The following LRRC49 variants were observed in gnomAD, a reference collection of about 807,000 sequenced individuals.
LRRC49 encodes the protein leucine rich repeat containing 49.
LRRC49 carries 50 observed loss-of-function variants against 83.3 expected under a neutral mutation model. That is an observed-to-expected ratio of 0.60 (90% CI 0.48 to 0.76). LRRC49 has a LOEUF of 0.76. LRRC49 is among the 30% of genes least tolerant of loss of function. The probability of loss-of-function intolerance (pLI) is 0.00; values close to 1 mark genes in which losing one functional copy is unlikely to be tolerated. For missense variants in LRRC49, 704 were observed against 809.1 expected (o/e 0.87, Z 1.58); for synonymous variants, 286 against 283.3 (o/e 1.01, Z -0.10).
exon 2 of LRRC49, chr15:70,872,951 A>T: frequency 2.3e-6 from 1 of 426,220 alleles, no homozygotes; most frequent in Non-Finnish European, 4.3e-6. Context: ...CCGTGGTGCG[A>T]TCTCGCTCAC....
Position 70,937,103 on chromosome 15 carries a change from T to G in LRRC49, c.773+281T>G, listed in dbSNP as rs1596040077. 2.6e-5 allele frequency among the ~76,000 whole-genome samples: 4 copies of G among 152,222 alleles called. No individual in the cohort carries two copies. In the South Asian group the frequency reaches 8.3e-4, roughly 32 times the overall value. Reference sequence around the variant, plus strand: ...GAGTACATAGAAATTTCAATGTATATTTTGCTGTCCTTTGTTTGACATTCA... The same window carrying G: ...GAGTACATAGAAATTTCAATGTATAGTTTGCTGTCCTTTGTTTGACATTCA... On this transcript the variant is annotated intron_variant, in intron 8 of 15. Coordinates refer to ENST00000260382, the MANE Select transcript of LRRC49 (RefSeq NM_017691.5).
chr15:70,942,717 T>C (rs968292502), intron 8 of LRRC49, among the ~76,000 whole-genome samples: 13 of 152,086 alleles, frequency 8.5e-5, no homozygotes, highest in African/African-American at 3.1e-4. Context: ...GGGTGCAGCT[T>C]GGTTTTATAC....
At chr15:70,884,445 G>A (rs1027293273) in intron 2 of LRRC49, among the ~76,000 whole-genome samples, 4 of 152,054 alleles carry the variant, frequency 2.6e-5, no homozygotes, top group East Asian at 1.9e-4. Flanking sequence ...GCTTGAAGCC[G>A]GGAGGCAGAG....
chr15:70,967,560 T>C (rs2036836842), intron 9 of LRRC49, among the ~76,000 whole-genome samples: 1 of 152,088 alleles, frequency 6.6e-6, no homozygotes, highest in South Asian at 2.1e-4. Context: ...TTGTAAAGAT[T>C]AGCATAAAGA....
At chr15:70,868,872 TA>T (rs2032966959) in intron 1 of LRRC49, among the ~76,000 whole-genome samples, 3 of 152,256 alleles carry the variant, frequency 2.0e-5, no homozygotes, top group Admixed American at 2.0e-4. Context: ...CAAGTTAGTA[TA>T]AACATTTTAG....
At chr15:70,988,289 C>T (rs1596105841) in intron 11 of LRRC49, among the ~76,000 whole-genome samples, 1 of 149,108 alleles carries the variant, frequency 6.7e-6, no homozygotes, top group East Asian at 2.0e-4. Context: ...TTGTAGGTCA[C>T]TCAGGACTTG....
At chr15:70,952,670 G>T (rs1281954971) in intron 8 of LRRC49, among the ~76,000 whole-genome samples, 1 of 152,104 alleles carries the variant, frequency 6.6e-6, no homozygotes, top group Non-Finnish European at 1.5e-5. Flanking sequence ...TCAAGTTTAA[G>T]TCCGGAATAT....
intron 7 of LRRC49, among the ~76,000 whole-genome samples, chr15:70,933,664 C>G (rs560648170): frequency 1.3e-5 from 2 of 152,342 alleles, no homozygotes; most frequent in African/African-American, 4.8e-5. Context: ...TAAAAGCACA[C>G]TGCCTTGACA....
At chr15:71,049,357 G>C in intron 15 of LRRC49, 52 bp from the exon 16 acceptor site, 3 of 1,204,158 alleles carry the variant, frequency 2.5e-6, no homozygotes, top group Non-Finnish European at 3.6e-6. Flanking sequence ...TTGTTGCTTT[G>C]ACTTTTGGAT....
chr15:71,010,435 GA>G (rs1008414605), intron 13 of LRRC49, among the ~76,000 whole-genome samples: 1 of 149,520 alleles, frequency 6.7e-6, no homozygotes, highest in African/African-American at 2.4e-5. Flanking sequence ...GAATAAAATG[GA>G]AAAAAAAGGG....
chr15:71,040,098 G>T (rs930062816), intron 15 of LRRC49, among the ~76,000 whole-genome samples: 4 of 152,164 alleles, frequency 2.6e-5, no homozygotes, highest in Non-Finnish European at 4.4e-5. Flanking sequence ...TCCTAGAAAG[G>T]CAGGGAAGAT....
At chr15:70,947,359 G>A (rs1463126787) in intron 8 of LRRC49, among the ~76,000 whole-genome samples, 2 of 152,016 alleles carry the variant, frequency 1.3e-5, no homozygotes, top group African/African-American at 4.8e-5. Flanking sequence ...CATTGATTAT[G>A]TATCTTTATG....
intron 10 of LRRC49, among the ~76,000 whole-genome samples, chr15:70,983,609 G>A (rs1481566346): frequency 6.6e-6 from 1 of 151,870 alleles, no homozygotes; most frequent in African/African-American, 2.4e-5. Context: ...GAGAAACTTG[G>A]AACATTGATC....
chr15:70,896,059 C>A, intron 3 of LRRC49, 123 bp downstream of exon 3: 1 of 593,398 alleles, frequency 1.7e-6, no homozygotes, highest in Non-Finnish European at 2.8e-6. Flanking sequence ...TCATTGGGAC[C>A]AAATTGGTTT....
intron 7 of LRRC49, among the ~76,000 whole-genome samples, chr15:70,919,455 T>G (rs888123251): frequency 7.8e-4 from 119 of 152,250 alleles, no homozygotes; most frequent in African/African-American, 2.7e-3. Context: ...TGTAAATGAG[T>G]AGTAAACCCT....
chr15:70,853,657 C>G (rs2032552527), intron 1 of LRRC49: 2 of 327,458 alleles, frequency 6.1e-6, no homozygotes, highest in Non-Finnish European at 1.1e-5. Context: ...CCTCAGATCC[C>G]GGCCGCCAGC....
At chr15:70,988,933 A>T (rs2037747272) in intron 11 of LRRC49, among the ~76,000 whole-genome samples, 2 of 152,174 alleles carry the variant, frequency 1.3e-5, no homozygotes, top group South Asian at 4.1e-4. Context: ...TGGGTTGAAA[A>T]TTCTTTTCTT....
At chr15:71,048,892 T>A (rs1227980085) in intron 15 of LRRC49, 1 of 454,896 alleles carries the variant, frequency 2.2e-6, no homozygotes, top group Non-Finnish European at 4.4e-6. Flanking sequence ...TCCCCCCAAC[T>A]TTCTCCAAAT....
At chr15:70,895,963 G>A (rs980690651) in intron 3 of LRRC49, 27 bp downstream of exon 3, 39 of 1,307,876 alleles carry the variant, frequency 3.0e-5, no homozygotes, top group South Asian at 7.6e-5. Context: ...GAGATCAGAT[G>A]TGGTTCATCA....
Sources: allele counts gnomAD v4.1 joint callset (sites outside exome capture counted in the v4.1 genomes callset), GRCh38; gene constraint gnomAD v4.1.1; transcripts MANE v1.5; gene names NCBI Gene and HGNC (gene_info 2026-07-23, HGNC 2026-07-21).